PARM1: variants seen among roughly 807,000 people sequenced by gnomAD.
PARM1 encodes the protein WSC4, cell wall integrity and stress response component 4 homolog.
In PARM1, 14 loss-of-function variants were observed where a neutral mutation model predicts 24.6. That is an observed-to-expected ratio of 0.57 (90% CI 0.38 to 0.89). The LOEUF is 0.89. Among genes scored for constraint, PARM1 ranks in the 40% least tolerant of loss-of-function variants. PARM1 has a pLI of 0.00. For missense variants in PARM1, 362 were observed against 380.4 expected (o/e 0.95, Z 0.40); for synonymous variants, 179 against 156.6 (o/e 1.14, Z -1.07).
At chr4:74,943,360 T>C (rs1215174407) in intron 1 of PARM1, among the ~76,000 whole-genome samples, 1 of 152,186 alleles carries the variant, frequency 6.6e-6, no homozygotes. Flanking sequence ...ATTTGTTAAA[T>C]TGGATGATTA....
chr4:75,013,967 T>G (rs1439248799), intron 2 of PARM1, among the ~76,000 whole-genome samples: 1 of 152,152 alleles, frequency 6.6e-6, no homozygotes, highest in East Asian at 1.9e-4. Context: ...ATCGGAGCAT[T>G]TCACCACTTA....
chr4:75,028,707 A>C (rs1357570337), intron 2 of PARM1, among the ~76,000 whole-genome samples: 1 of 151,920 alleles, frequency 6.6e-6, no homozygotes, highest in African/African-American at 2.4e-5. Flanking sequence ...CCTCTTTTTC[A>C]CCTCTGGAAA....
At chr4:75,014,071 G>A (rs932549872) in intron 2 of PARM1, among the ~76,000 whole-genome samples, 1 of 152,180 alleles carries the variant, frequency 6.6e-6, no homozygotes, top group African/African-American at 2.4e-5. Context: ...TCCTGTGAGA[G>A]GTGAAGACTG....
At chr4:74,935,312 C>A (rs1410424633) in intron 1 of PARM1, among the ~76,000 whole-genome samples, 7 of 152,150 alleles carry the variant, frequency 4.6e-5, no homozygotes, top group Non-Finnish European at 8.8e-5. Flanking sequence ...TTGAAGGAAT[C>A]TCTTTAAGAC....
Position 74,992,133 on chromosome 4 carries a change from C to T in PARM1, c.44-20292C>T, listed in dbSNP as rs139011304. Reference sequence around the variant, plus strand: ...TTTCCATTCCCTCTCTGGCAGCCACCCTCCAGGGACCTCCCCGTGTTCAGC... The same window carrying T: ...TTTCCATTCCCTCTCTGGCAGCCACTCTCCAGGGACCTCCCCGTGTTCAGC... On this transcript the variant is annotated intron_variant, in intron 1 of 3. Transcript: ENST00000307428. 1.0e-3 allele frequency among the ~76,000 whole-genome samples: 157 copies of T among 152,160 alleles called. No individual in the cohort carries two copies. The East Asian group carries it at 0.027, about 26-fold the overall frequency.
At chr4:75,035,075 A>T (rs1008152532) in intron 3 of PARM1, among the ~76,000 whole-genome samples, 1 of 151,992 alleles carries the variant, frequency 6.6e-6, no homozygotes, top group African/African-American at 2.4e-5. Context: ...TACTTCCTCC[A>T]TGAGATGCTT....
chr4:75,040,734 T>C (rs1165654080), intron 3 of PARM1, among the ~76,000 whole-genome samples: 1 of 152,234 alleles, frequency 6.6e-6, no homozygotes, highest in Non-Finnish European at 1.5e-5. Flanking sequence ...TCTTTGCAGC[T>C]TTTCTCTAAA....
rs1723457573 is a variant in PARM1, at chr4:75,040,331, T to C, written c.849-5832T>C. 1.3e-5 allele frequency among the ~76,000 whole-genome samples: 2 copies of C among 152,250 alleles called. 1 individual carries two copies. Among genetic ancestry groups the C allele is most frequent in the South Asian group, 4.1e-4 (2 of 4,834 alleles). ...ATTGTCTTCCAATAGTAATGCCATC[T>C]GGCAGATAATTTTTTAAATAAACAA... On this transcript the variant is annotated intron_variant, in intron 3 of 3. Transcript: ENST00000307428.
chr4:75,033,586 A>G (rs571566970), intron 2 of PARM1, among the ~76,000 whole-genome samples: 44 of 152,322 alleles, frequency 2.9e-4, no homozygotes, highest in African/African-American at 1.0e-3. Flanking sequence ...TGTCATTCTT[A>G]AAAAGATAAT....
At chr4:74,940,155 A>G (rs544482757) in intron 1 of PARM1, among the ~76,000 whole-genome samples, 3 of 152,202 alleles carry the variant, frequency 2.0e-5, no homozygotes, top group Non-Finnish European at 4.4e-5. Context: ...AACAAAATAC[A>G]TGTTACCTTT....
At chr4:74,984,969 A>G (rs1286549561) in intron 1 of PARM1, among the ~76,000 whole-genome samples, 1 of 152,232 alleles carries the variant, frequency 6.6e-6, no homozygotes, top group Non-Finnish European at 1.5e-5. Context: ...CAAAGCTCCA[A>G]AAAAGATCCA....
chr4:75,028,390 G>C (rs1336954796), intron 2 of PARM1, among the ~76,000 whole-genome samples: 1 of 152,220 alleles, frequency 6.6e-6, no homozygotes, highest in African/African-American at 2.4e-5. Context: ...ATTCCTCTGA[G>C]ACAAAATGTT....
intron 2 of PARM1, among the ~76,000 whole-genome samples, chr4:75,026,841 C>T (rs1024419025): frequency 3.3e-5 from 5 of 152,174 alleles, no homozygotes; most frequent in Non-Finnish European, 7.3e-5. Context: ...TGCTAATTTA[C>T]AAAGCATTTG....
chr4:74,995,696 A>G (rs375476294), intron 1 of PARM1, among the ~76,000 whole-genome samples: 4 of 152,230 alleles, frequency 2.6e-5, no homozygotes. Context: ...TCCTGAGTGC[A>G]TTCACTTTTC....
At chr4:74,950,370 G>C (rs969522221) in intron 1 of PARM1, among the ~76,000 whole-genome samples, 21 of 152,138 alleles carry the variant, frequency 1.4e-4, no homozygotes, top group African/African-American at 5.1e-4. Context: ...GGCATTCCTT[G>C]GCTTGGGGCT....
At chr4:75,036,184 T>G (rs1723367200) in intron 3 of PARM1, among the ~76,000 whole-genome samples, 1 of 152,136 alleles carries the variant, frequency 6.6e-6, no homozygotes, top group African/African-American at 2.4e-5. Flanking sequence ...TTCACTGAAG[T>G]GTGGAGTGAA....
intron 3 of PARM1, among the ~76,000 whole-genome samples, chr4:75,041,243 G>A (rs755268845): frequency 5.3e-5 from 8 of 152,156 alleles, no homozygotes; most frequent in South Asian, 2.1e-4. Context: ...AAGAGGAAAC[G>A]ATGGAAACAA....
At chr4:74,944,897 C>A (rs1008655401) in intron 1 of PARM1, among the ~76,000 whole-genome samples, 1 of 152,136 alleles carries the variant, frequency 6.6e-6, no homozygotes, top group Non-Finnish European at 1.5e-5. Context: ...ATGTATCTGT[C>A]ACCTACCCAT....
intron 2 of PARM1, among the ~76,000 whole-genome samples, chr4:75,015,683 A>T (rs2109797005): frequency 6.6e-6 from 1 of 152,320 alleles, no homozygotes; most frequent in African/African-American, 2.4e-5. Context: ...CTTTGGGATG[A>T]TGTGATAGAA....
Sources: allele counts gnomAD v4.1 joint callset (sites outside exome capture counted in the v4.1 genomes callset), GRCh38; gene constraint gnomAD v4.1.1; transcripts MANE v1.5; gene names NCBI Gene and HGNC (gene_info 2026-07-23, HGNC 2026-07-21).